The following APH1B variants were observed in gnomAD, a reference collection of about 807,000 sequenced individuals.
The protein encoded by APH1B is gamma-secretase subunit APH-1B.
A neutral mutation model predicts 28.2 loss-of-function variants in APH1B; 27 were observed. The observed-to-expected ratio is 0.96, with a 90% confidence interval of 0.70 to 1.32. The LOEUF (loss-of-function observed/expected upper bound fraction) is 1.32. Ranked by LOEUF, APH1B falls within the 40% of genes most tolerant of loss-of-function variation. The pLI, the probability that APH1B is intolerant of heterozygous loss-of-function variation, is 0.00. For synonymous variants in APH1B, 141 were observed against 124.6 expected (o/e 1.13, Z -0.88); for missense variants, 305 against 313.6 (o/e 0.97, Z 0.21).
At chr15:63,286,103 A>G (rs981729536) in intron 2 of APH1B, among the ~76,000 whole-genome samples, 1 of 152,200 alleles carries the variant, frequency 6.6e-6, no homozygotes, top group Non-Finnish European at 1.5e-5. Flanking sequence ...TGGAAGGTAC[A>G]AGGGAGGGTG....
rs753837669 is a variant in APH1B at position 63,286,570 on chromosome 15, A to G, written c.297A>G (p.Glu99=). ...GGTTTTATTTTAGAAAAGCCAGTGA[A>G]GGTTTGAAGAGTATAAACCCAGGTG... ...AYYKLLKKAS[E]GLKSINPGET... The change falls in exon 3 of 6, where the codon GAA becomes GAG. Residue 99 remains glutamate (E), a synonymous_variant. Transcript: ENST00000261879. 6.3e-7 allele frequency: 1 copy of G among 1,594,180 alleles called. No homozygotes were observed. Among genetic ancestry groups the G allele is most frequent in the East Asian group, 2.3e-5 (1 of 44,098 alleles).
rs1270802875 is a variant in APH1B at position 63,308,721 on chromosome 15, G to C, written c.*2940G>C. On this transcript the variant is annotated 3_prime_UTR_variant, in exon 6 of 6. Transcript: ENST00000261879. ...CTGAAGCCTGGCTGGGTCATCAGAT[G>C]GGGGCAGCCTGTGACGGGCACCAGC... The C allele has an allele frequency of 6.6e-6, 1 of 152,264 alleles. No homozygotes were observed. Among genetic ancestry groups the C allele is most frequent in the Non-Finnish European group, 1.5e-5 (1 of 68,070 alleles). The allele number at this position is 152,264 out of a possible 1,614,324, so 9.4% of individuals were successfully genotyped here.
intron 1 of APH1B, chr15:63,278,498 A>C (rs1392732217): frequency 5.4e-6 from 2 of 373,604 alleles, no homozygotes; most frequent in East Asian, 1.5e-4. Flanking sequence ...CACCTCCCAC[A>C]AACGTATTGA....
chr15:63,293,563 T>C (rs2038529205), intron 4 of APH1B, among the ~76,000 whole-genome samples: 2 of 151,860 alleles, frequency 1.3e-5, no homozygotes, highest in Non-Finnish European at 2.9e-5. Flanking sequence ...AGTGGCACGA[T>C]CTTGGCTCAC....
At chr15:63,283,901 A>G (rs1203535222) in intron 2 of APH1B, among the ~76,000 whole-genome samples, 2 of 152,052 alleles carry the variant, frequency 1.3e-5, no homozygotes, top group African/African-American at 4.8e-5. Flanking sequence ...ATTCTTTTGT[A>G]TGTGATTATC....
At chr15:63,295,828 T>G (rs1567031020) in intron 4 of APH1B, among the ~76,000 whole-genome samples, 1 of 152,258 alleles carries the variant, frequency 6.6e-6, no homozygotes, top group Non-Finnish European at 1.5e-5. Context: ...AGTGGCCATT[T>G]AATGAAATGA....
rs1057506163 is a variant in APH1B, at chr15:63,294,105, A to T, written c.478+6559A>T. ...TTTCTTTTTCTTCAGTGAATTTCAC[A>T]GACATTTTTTTTTTTGTAGCCACAG... On this transcript the variant is annotated intron_variant, in intron 4 of 5. Transcript: ENST00000261879. Among the ~76,000 whole-genome samples, 4 of 145,458 alleles carry T rather than the reference A, an allele frequency of 2.7e-5. No individual in the cohort carries two copies. In the South Asian group the frequency reaches 9.2e-4, roughly 34 times the overall value.
In APH1B at chr15:63,307,920, T is replaced by G. The variant is rs2038703590; in HGVS notation, c.*2139T>G. On this transcript the variant is annotated 3_prime_UTR_variant, in exon 6 of 6. Coordinates refer to ENST00000261879, the MANE Select transcript of APH1B (RefSeq NM_031301.4). The stretch of plus-strand genomic sequence containing the variant: ...TTCAGGAAATTATTTAATAATCCTT[T>G]GTTACCTGTGAATGAAGGAACTTTG... 6.6e-6 allele frequency: 1 copy of G among 152,240 alleles called. No individual in the cohort carries two copies. The highest frequency in any genetic ancestry group is 2.1e-4 in the South Asian group (1 of 4,834). The allele number at this position is 152,240 out of a possible 1,614,324, so 9.4% of individuals were successfully genotyped here.
At chr15:63,294,707 A>G (rs1295901687) in intron 4 of APH1B, among the ~76,000 whole-genome samples, 1 of 152,190 alleles carries the variant, frequency 6.6e-6, no homozygotes, top group East Asian at 1.9e-4. Flanking sequence ...GTTTACTTTA[A>G]TGGGTGGATT....
intron 4 of APH1B, among the ~76,000 whole-genome samples, chr15:63,297,354 C>G (rs1488592297): frequency 1.3e-5 from 2 of 152,118 alleles, no homozygotes; most frequent in Non-Finnish European, 2.9e-5. Flanking sequence ...TGACAAAACC[C>G]TGTCTCCACT....
intron 4 of APH1B, among the ~76,000 whole-genome samples, chr15:63,290,505 T>A (rs1417283000): frequency 1.3e-5 from 2 of 152,168 alleles, no homozygotes; most frequent in Admixed American, 1.3e-4. Context: ...GCTATGAAAA[T>A]AGAGCCCAGT....
chr15:63,292,382 TTTCTC>T (rs1325394588), intron 4 of APH1B, among the ~76,000 whole-genome samples: 1 of 152,212 alleles, frequency 6.6e-6, no homozygotes, highest in Non-Finnish European at 1.5e-5. Context: ...CATTATCTGT[TTTCTC>T]TTTCTCTTTT....
chr15:63,290,066 T>C (rs1595761324), intron 4 of APH1B, among the ~76,000 whole-genome samples: 1 of 152,164 alleles, frequency 6.6e-6, no homozygotes, highest in Non-Finnish European at 1.5e-5. Flanking sequence ...TATCTCATTT[T>C]ATATATATAG....
At chr15:63,291,818 C>T (rs2038509422) in intron 4 of APH1B, 1 of 152,158 alleles carries the variant, frequency 6.6e-6, no homozygotes, top group African/African-American at 2.4e-5. Flanking sequence ...CATGATTGGA[C>T]CTTCCTTCTT....
chr15:63,281,029 G>A (rs939221570), intron 2 of APH1B, among the ~76,000 whole-genome samples: 4 of 152,006 alleles, frequency 2.6e-5, no homozygotes, highest in East Asian at 1.9e-4. Flanking sequence ...CCAGCTCCTC[G>A]GGAGGTTGAG....
rs2038666964 is a variant in APH1B at position 63,304,589 on chromosome 15, T to C, written c.607-1025T>C. On this transcript the variant is annotated intron_variant, in intron 5 of 5. Transcript: ENST00000261879. This position sits in a 1 kb window ranked among gnomAD's most constrained non-coding sequence, Gnocchi z 5.1. ...AACAAAAGTTCTTAATTTTATATAG[T>C]CTGATCAGTTTTTCTCTTTATGGTT... 6.6e-6 allele frequency among the ~76,000 whole-genome samples: 1 copy of C among 152,216 alleles called. No individual in the cohort carries two copies. Among genetic ancestry groups the C allele is most frequent in the Non-Finnish European group, 1.5e-5 (1 of 68,038 alleles).
Position 63,277,732 on chromosome 15 carries a change from G to T in APH1B, c.109G>T (p.Ala37Ser), listed in dbSNP as rs568353685. 2 of 1,607,278 alleles carry T rather than the reference G, an allele frequency of 1.2e-6. No homozygotes were observed. Among genetic ancestry groups the T allele is most frequent in the African/African-American group, 1.3e-5 (1 of 74,266 alleles). Reference protein sequence around the residue: ...TEPLRIIFLIAGAFFWLVSLL... With the variant: ...TEPLRIIFLISGAFFWLVSLL... ...GCCGTTGCGTATCATCTTCCTCATCGCCGGGTGAGGCGGTCGCGTCGGGAA... is the reference window on the plus strand; with the variant it reads ...GCCGTTGCGTATCATCTTCCTCATCTCCGGGTGAGGCGGTCGCGTCGGGAA... The change falls in exon 1 of 6, where the codon GCC (alanine) becomes TCC (serine). Residue 37 changes from alanine to serine, a missense_variant. By Grantham distance (99) the Ala-to-Ser change is moderately conservative. Coordinates refer to ENST00000261879, the MANE Select transcript of APH1B (RefSeq NM_031301.4).
chr15:63,307,728 AGT>A lies in APH1B; in HGVS notation c.*1951_*1952del, dbSNP rs1445315788. On this transcript the variant is annotated 3_prime_UTR_variant, in exon 6 of 6. Coordinates refer to ENST00000261879, the MANE Select transcript of APH1B (RefSeq NM_031301.4). Reference sequence around the variant, plus strand: ...TGATAAAATATTTGCTGCTCTGTAGAGTGTGGAAAGTCTGAGAATATTAGCTT... The same window carrying A: ...TGATAAAATATTTGCTGCTCTGTAGAGTGGAAAGTCTGAGAATATTAGCTT... 3.9e-5 allele frequency: 6 copies of A among 152,242 alleles called. No homozygotes were observed. The South Asian group carries it at 8.3e-4, about 21-fold the overall frequency. The allele number at this position is 152,242 out of a possible 1,614,324, so 9.4% of individuals were successfully genotyped here. A position where few individuals can be genotyped will look rare whatever the true frequency, so the allele number is the denominator to read the frequency against.
chr15:63,298,119 A>G (rs1032747816), intron 4 of APH1B, among the ~76,000 whole-genome samples: 1 of 152,202 alleles, frequency 6.6e-6, no homozygotes, highest in Non-Finnish European at 1.5e-5. Flanking sequence ...GGGTTGATGA[A>G]AGAGGGGAGG....
Sources: allele counts gnomAD v4.1 joint callset (sites outside exome capture counted in the v4.1 genomes callset), GRCh38; gene constraint gnomAD v4.1.1; non-coding constraint Gnocchi (gnomAD v3.1); transcripts MANE v1.5; gene names NCBI Gene and HGNC (gene_info 2026-07-23, HGNC 2026-07-21).